ARHGAP5: variants seen among roughly 807,000 people sequenced by gnomAD.
ARHGAP5 encodes the protein Rho GTPase activating protein 5, also known as rho GTPase-activating protein 5.
ARHGAP5 carries 23 observed loss-of-function variants against 116.6 expected under a neutral mutation model. The observed-to-expected ratio is 0.20, with a 90% confidence interval of 0.14 to 0.28. The LOEUF (loss-of-function observed/expected upper bound fraction) is 0.28, where lower values mean the gene tolerates loss of function less well. Ranked by LOEUF, ARHGAP5 falls within the 10% of genes least tolerant of loss-of-function variation. The pLI is 1.00. For synonymous variants in ARHGAP5, 574 were observed against 602.0 expected (o/e 0.95, Z 0.68); for missense variants, 1,405 against 1,774.8 (o/e 0.79, Z 3.74).
intron 3 of ARHGAP5, among the ~76,000 whole-genome samples, chr14:32,133,260 C>A (rs553245393): frequency 6.6e-6 from 1 of 152,012 alleles, no homozygotes; most frequent in Non-Finnish European, 1.5e-5. Context: ...CTTTTATTTC[C>A]TTGAGCAGTG....
intron 3 of ARHGAP5, among the ~76,000 whole-genome samples, chr14:32,121,804 T>A (rs1358947765): frequency 9.2e-5 from 14 of 152,190 alleles, no homozygotes; most frequent in Admixed American, 9.2e-4. Context: ...GGCTTGCCTG[T>A]TCCTGGATAT....
At position 32,159,497 on chromosome 14, in the gene ARHGAP5, C is replaced by T. The variant is rs554210342; in HGVS notation, c.*4549C>T. 6.6e-6 allele frequency: 1 copy of T among 152,156 alleles called. No individual in the cohort carries two copies. Among genetic ancestry groups the T allele is most frequent in the East Asian group, 1.9e-4 (1 of 5,182 alleles). 9.4% of individuals were successfully genotyped at this position (152,156 alleles called of 1,614,324 possible). On this transcript the variant is annotated 3_prime_UTR_variant, in exon 7 of 7. Coordinates refer to ENST00000345122, the MANE Select transcript of ARHGAP5 (RefSeq NM_001030055.2). ...TAGTAATTGACCTATTTATTCATTG[C>T]TTCACTAATTCATCCAGATTAGTTT...
Position 32,093,182 on chromosome 14 carries a change from C to T in ARHGAP5, c.2513C>T (p.Ser838Phe). The T allele has an allele frequency of 6.2e-7, 1 of 1,613,956 alleles. No individual in the cohort carries two copies. The highest frequency in any genetic ancestry group is 8.5e-7 in the Non-Finnish European group (1 of 1,179,922). ...CAGATCACAATATTATCATACCACT[C>T]TTCAATTGGAGTAAGAAAAGATGAA... is the stretch of plus-strand genomic sequence containing the variant. ...RIQITILSYH[S>F]SIGVRKDELV... is the part of the protein sequence containing the mutation. Residue 838 changes from serine to phenylalanine, a missense_variant, in exon 2 of 7, where the codon TCT becomes TTT. Physicochemically the swap from Ser to Phe is radical, Grantham distance 155. Coordinates refer to ENST00000345122, the MANE Select transcript of ARHGAP5 (RefSeq NM_001030055.2).
intron 3 of ARHGAP5, among the ~76,000 whole-genome samples, chr14:32,128,046 C>T (rs375127289): frequency 7.1e-6 from 1 of 140,332 alleles, no homozygotes; most frequent in African/African-American, 2.7e-5. Context: ...ACCTCCCAGA[C>T]AGTGCGGCCG....
chr14:32,141,372 A>G (rs1203974826), intron 3 of ARHGAP5, among the ~76,000 whole-genome samples: 1 of 152,172 alleles, frequency 6.6e-6, no homozygotes, highest in Non-Finnish European at 1.5e-5. Context: ...AAAGCACCTT[A>G]GTTTCAAAAG....
At chr14:32,131,102 G>A (rs191088072) in intron 3 of ARHGAP5, among the ~76,000 whole-genome samples, 223 of 152,172 alleles carry the variant, frequency 1.5e-3, no homozygotes, top group African/African-American at 5.2e-3. Flanking sequence ...TACATGTTTA[G>A]GAAATTTAAT....
At chr14:32,133,573 T>C (rs1451597840) in intron 3 of ARHGAP5, among the ~76,000 whole-genome samples, 1 of 152,204 alleles carries the variant, frequency 6.6e-6, no homozygotes, top group Non-Finnish European at 1.5e-5. Context: ...ATACCCTTTA[T>C]TTCCTTCTCC....
At chr14:32,121,717 A>G (rs552513574) in intron 3 of ARHGAP5, among the ~76,000 whole-genome samples, 79 of 152,320 alleles carry the variant, frequency 5.2e-4, no homozygotes, top group African/African-American at 1.7e-3. Context: ...CATCATCCCA[A>G]GAAGAAATAC....
At chr14:32,115,102 T>G (rs1654492917) in intron 2 of ARHGAP5, among the ~76,000 whole-genome samples, 1 of 152,198 alleles carries the variant, frequency 6.6e-6, no homozygotes, top group Non-Finnish European at 1.5e-5. Flanking sequence ...CTTTGTATAC[T>G]TCAGAAACTC....
At position 32,157,684 on chromosome 14, in the gene ARHGAP5, T is replaced by C. The variant is rs1340930047; in HGVS notation, c.*2736T>C. ...GGCACAATATATTTTTTTTAAATGGTATTTGTTAGTAGTGCTTCTTCCCCT... is the reference window on the plus strand; with the variant it reads ...GGCACAATATATTTTTTTTAAATGGCATTTGTTAGTAGTGCTTCTTCCCCT... On this transcript the variant is annotated 3_prime_UTR_variant, in exon 7 of 7. Transcript: ENST00000345122. 6.6e-6 allele frequency: 1 copy of C among 151,756 alleles called. No individual in the cohort carries two copies. Among genetic ancestry groups the C allele is most frequent in the Non-Finnish European group, 1.5e-5 (1 of 67,706 alleles). The allele number at this position is 151,756 out of a possible 1,614,324, so 9.4% of individuals were successfully genotyped here.
At chr14:32,136,195 A>G (rs1321359725) in intron 3 of ARHGAP5, among the ~76,000 whole-genome samples, 3 of 152,222 alleles carry the variant, frequency 2.0e-5, no homozygotes, top group African/African-American at 7.2e-5. Flanking sequence ...CATTTAGTAT[A>G]TTCACAATGT....
rs997873914 is a variant in ARHGAP5 at position 32,159,216 on chromosome 14, TTAG to T, written c.*4274_*4276del. 1.3e-5 allele frequency: 2 copies of T among 152,108 alleles called. No individual in the cohort carries two copies. Among genetic ancestry groups the T allele is most frequent in the Non-Finnish European group, 2.9e-5 (2 of 67,974 alleles). 9.4% of individuals were successfully genotyped at this position (152,108 alleles called of 1,614,324 possible). A position where few individuals can be genotyped will look rare whatever the true frequency, so the allele number is the denominator to read the frequency against. ...CTGGTTTAGTCATTTTTACCAGTAGTTAGTAGTATTAAGACCTGCAGTATATGC... is the reference window on the plus strand; with the variant it reads ...CTGGTTTAGTCATTTTTACCAGTAGTTAGTATTAAGACCTGCAGTATATGC... On this transcript the variant is annotated 3_prime_UTR_variant, in exon 7 of 7. Coordinates refer to ENST00000345122, the MANE Select transcript of ARHGAP5 (RefSeq NM_001030055.2).
At position 32,091,154 on chromosome 14, in the gene ARHGAP5, G is replaced by T; in HGVS notation, c.485G>T (p.Cys162Phe). The part of the protein sequence containing the change: ...GKLNVDGFLL[C>F]IDVSQGCNRK... ...CTCAACGTAGATGGATTTTTATTATGCATTGATGTAAGTCAAGGATGCAAT... is the reference window on the plus strand; with the variant it reads ...CTCAACGTAGATGGATTTTTATTATTCATTGATGTAAGTCAAGGATGCAAT... Residue 162 changes from cysteine (C) to phenylalanine (F), a missense_variant, in exon 2 of 7, where the codon TGC becomes TTC. This residue lies in a region of ARHGAP5 where 190 missense variants were observed against 314.9 expected (regional missense o/e 0.60). Coordinates refer to ENST00000345122, the MANE Select transcript of ARHGAP5 (RefSeq NM_001030055.2). 6.2e-7 allele frequency: 1 copy of T among 1,613,622 alleles called. No homozygotes were observed. The highest frequency in any genetic ancestry group is 8.5e-7 in the Non-Finnish European group (1 of 1,179,622).
chr14:32,092,640 G>T lies in ARHGAP5; in HGVS notation c.1971G>T (p.Gly657=). 1 of 1,613,930 alleles carries T rather than the reference G, an allele frequency of 6.2e-7. No homozygotes were observed. The highest frequency in any genetic ancestry group is 8.5e-7 in the Non-Finnish European group (1 of 1,179,884). The part of the protein sequence containing the change: ...QLWTAAFKPH[G]CFCVFNSIES... Reference sequence around the variant, plus strand: ...GGACTGCCGCCTTTAAACCACATGGGTGCTTCTGTGTATTTAATTCCATTG... The same window carrying T: ...GGACTGCCGCCTTTAAACCACATGGTTGCTTCTGTGTATTTAATTCCATTG... The change falls in exon 2 of 7, where the codon GGG becomes GGT. Residue 657 remains glycine (G), a synonymous_variant. Coordinates refer to ENST00000345122, the MANE Select transcript of ARHGAP5 (RefSeq NM_001030055.2). The surrounding 1 kb of genome is among the most constrained non-coding windows in gnomAD (Gnocchi z 4.1).
At chr14:32,109,470 C>T (rs1879182349) in intron 2 of ARHGAP5, among the ~76,000 whole-genome samples, 1 of 151,970 alleles carries the variant, frequency 6.6e-6, no homozygotes, top group Non-Finnish European at 1.5e-5. Flanking sequence ...TCGCTCGTCT[C>T]CCTTTATATA....
chr14:32,096,655 A>G (rs910700242), intron 2 of ARHGAP5, among the ~76,000 whole-genome samples: 2 of 152,250 alleles, frequency 1.3e-5, no homozygotes, highest in African/African-American at 2.4e-5. Context: ...TATTAAATAA[A>G]TTGTGAAGTA....
In ARHGAP5 at chr14:32,152,537, A is replaced by T. The variant is rs1354004283; in HGVS notation, c.4181+9A>T. 1 of 1,496,350 alleles carries T rather than the reference A, an allele frequency of 6.7e-7. No homozygotes were observed. Among genetic ancestry groups the T allele is most frequent in the Non-Finnish European group, 9.0e-7 (1 of 1,112,060 alleles). 92.7% of individuals were successfully genotyped at this position (1,496,350 alleles called of 1,614,324 possible). The stretch of plus-strand genomic sequence containing the variant: ...ATAACACATCTAAACAGGTATTTTT[A>T]TTTTTTTAGGGTTTTTTGGCAAATA... On this transcript the variant is annotated intron_variant, in intron 6 of 6. Transcript: ENST00000345122.
intron 2 of ARHGAP5, among the ~76,000 whole-genome samples, chr14:32,107,037 C>T (rs2139048314): frequency 6.6e-6 from 1 of 152,230 alleles, no homozygotes. Context: ...GACATTTAAT[C>T]GCATATTATT....
intron 4 of ARHGAP5, among the ~76,000 whole-genome samples, chr14:32,149,041 A>T (rs1413305188): frequency 2.0e-5 from 3 of 152,074 alleles, no homozygotes; most frequent in Non-Finnish European, 4.4e-5. Flanking sequence ...AGTATTTTGG[A>T]TTTCAGATTT....
Sources: allele counts gnomAD v4.1 joint callset (sites outside exome capture counted in the v4.1 genomes callset), GRCh38; gene constraint gnomAD v4.1.1; regional missense constraint gnomAD v4.1.1; non-coding constraint Gnocchi (gnomAD v3.1); transcripts MANE v1.5; gene names NCBI Gene and HGNC (gene_info 2026-07-23, HGNC 2026-07-21).